Variants in GALNT17 observed in about 807,000 individuals in gnomAD.
GALNT17 encodes the protein polypeptide N-acetylgalactosaminyltransferase 17.
In GALNT17, 29 loss-of-function variants were observed where a neutral mutation model predicts 63.7. The observed-to-expected ratio is 0.46, with a 90% CI of 0.34 to 0.62. The LOEUF is 0.62. GALNT17 is among the 20% of genes least tolerant of loss of function. The probability of loss-of-function intolerance (pLI) is 0.01; values close to 1 mark genes in which losing one functional copy is unlikely to be tolerated. For missense variants in GALNT17, 603 were observed against 799.6 expected (o/e 0.75, Z 2.97); for synonymous variants, 305 against 318.3 (o/e 0.96, Z 0.45).
At chr7:71,531,026 G>A (rs1788711897) in intron 5 of GALNT17, among the ~76,000 whole-genome samples, 1 of 150,802 alleles carries the variant, frequency 6.6e-6, no homozygotes, top group Non-Finnish European at 1.5e-5. Context: ...TTGAAATATA[G>A]CCAGCACAAC....
chr7:71,308,196 CA>C (rs749808809), intron 1 of GALNT17, among the ~76,000 whole-genome samples: 3 of 151,970 alleles, frequency 2.0e-5, no homozygotes, highest in Non-Finnish European at 4.4e-5. Context: ...CGTGGTGACT[CA>C]CATTTGTCAA....
At chr7:71,293,165 G>A (rs181826194) in intron 1 of GALNT17, among the ~76,000 whole-genome samples, 4 of 152,132 alleles carry the variant, frequency 2.6e-5, no homozygotes, top group African/African-American at 7.2e-5. Context: ...TACTGCAGCC[G>A]CTCAGTGTAG....
intron 2 of GALNT17, among the ~76,000 whole-genome samples, chr7:71,358,181 A>C (rs546075109): frequency 9.8e-5 from 15 of 152,288 alleles, no homozygotes; most frequent in Middle Eastern, 3.4e-3. Context: ...AGTCAGCGAG[A>C]CCACGAGCCC....
At chr7:71,288,891 T>G (rs1427068217) in intron 1 of GALNT17, among the ~76,000 whole-genome samples, 1 of 152,210 alleles carries the variant, frequency 6.6e-6, no homozygotes, top group East Asian at 1.9e-4. Flanking sequence ...CTTTAGGTGA[T>G]GTATTTAAAA....
At chr7:71,617,333 T>G (rs944162311) in intron 6 of GALNT17, among the ~76,000 whole-genome samples, 41 of 150,464 alleles carry the variant, frequency 2.7e-4, no homozygotes, top group African/African-American at 9.3e-4. Flanking sequence ...TTTTTTTGTT[T>G]TTTTTTTTTT....
intron 6 of GALNT17, among the ~76,000 whole-genome samples, chr7:71,594,864 G>A (rs1040616436): frequency 8.5e-5 from 13 of 152,206 alleles, no homozygotes; most frequent in African/African-American, 3.1e-4. Context: ...ATTGTGTCCT[G>A]CAAAAGGCAT....
At chr7:71,402,810 T>C (rs1793262774) in intron 3 of GALNT17, among the ~76,000 whole-genome samples, 1 of 151,422 alleles carries the variant, frequency 6.6e-6, no homozygotes, top group Non-Finnish European at 1.5e-5. Context: ...AGAAGTCTTG[T>C]GTTTCCAAGA....
chr7:71,677,852 C>T (rs1248100855), intron 9 of GALNT17, among the ~76,000 whole-genome samples: 1 of 152,100 alleles, frequency 6.6e-6, no homozygotes, highest in Non-Finnish European at 1.5e-5. Context: ...AGTGGTTTTG[C>T]ATTCCCCCGA....
chr7:71,600,662 A>G (rs555989860), intron 6 of GALNT17, among the ~76,000 whole-genome samples: 1 of 152,246 alleles, frequency 6.6e-6, no homozygotes, highest in East Asian at 1.9e-4. Flanking sequence ...GTCAGGACTG[A>G]CCTGTGTCCC....
intron 1 of GALNT17, among the ~76,000 whole-genome samples, chr7:71,168,632 T>C (rs188022890): frequency 5.9e-5 from 9 of 152,126 alleles, no homozygotes; most frequent in Non-Finnish European, 1.3e-4. Flanking sequence ...TATATACTCA[T>C]ATATAGTGAA....
intron 1 of GALNT17, among the ~76,000 whole-genome samples, chr7:71,194,472 G>T (rs913064615): frequency 4.6e-5 from 7 of 152,168 alleles, no homozygotes; most frequent in African/African-American, 1.7e-4. Flanking sequence ...GGCAGATACA[G>T]TATTGGAACT....
chr7:71,160,942 T>C (rs1465596878), intron 1 of GALNT17, among the ~76,000 whole-genome samples: 1 of 152,132 alleles, frequency 6.6e-6, no homozygotes, highest in Non-Finnish European at 1.5e-5. Flanking sequence ...CAAGCGGCCC[T>C]TCTGCCTCAG....
At chr7:71,227,648 G>T (rs1213551227) in intron 1 of GALNT17, among the ~76,000 whole-genome samples, 1 of 152,050 alleles carries the variant, frequency 6.6e-6, no homozygotes, top group African/African-American at 2.4e-5. Flanking sequence ...TGATTTGATG[G>T]CATACAGCAT....
At chr7:71,140,301 G>A (rs7807036) in intron 1 of GALNT17, among the ~76,000 whole-genome samples, 20,244 of 152,156 alleles carry the variant, frequency 0.13, 2,885 homozygotes, top group East Asian at 0.48. Context: ...GTTATGGAAG[G>A]CTTGGTCCTA....
At chr7:71,297,171 C>T (rs1003202177) in intron 1 of GALNT17, among the ~76,000 whole-genome samples, 6 of 152,330 alleles carry the variant, frequency 3.9e-5, no homozygotes, top group African/African-American at 1.4e-4. Context: ...TCACTCTTGG[C>T]ACATGGTACT....
intron 6 of GALNT17, among the ~76,000 whole-genome samples, chr7:71,591,253 A>C (rs547102423): frequency 1.4e-5 from 2 of 141,018 alleles, no homozygotes; most frequent in South Asian, 4.6e-4. Context: ...ACAGGGTTTC[A>C]CCATGTTGGC....
At chr7:71,350,936 T>TCAC (rs1563024630) in intron 2 of GALNT17, among the ~76,000 whole-genome samples, 2 of 151,980 alleles carry the variant, frequency 1.3e-5, no homozygotes, top group African/African-American at 2.4e-5. Context: ...AGGCCAGGAG[T>TCAC]TTAAGATCAG....
At chr7:71,233,926 C>G (rs559122203) in intron 1 of GALNT17, among the ~76,000 whole-genome samples, 1 of 152,198 alleles carries the variant, frequency 6.6e-6, no homozygotes, top group East Asian at 1.9e-4. Context: ...TCTCACATGG[C>G]CAGAGAAGGA....
intron 1 of GALNT17, among the ~76,000 whole-genome samples, chr7:71,296,972 T>C (rs1791093150): frequency 1.3e-5 from 2 of 152,216 alleles, no homozygotes; most frequent in Admixed American, 6.5e-5. Flanking sequence ...AGGAAACTAA[T>C]TCCTAGTCCA....
Sources: allele counts gnomAD v4.1 joint callset (sites outside exome capture counted in the v4.1 genomes callset), GRCh38; gene constraint gnomAD v4.1.1; transcripts MANE v1.5; gene names NCBI Gene and HGNC (gene_info 2026-07-23, HGNC 2026-07-21).